The following NPTXR variants were observed in gnomAD, a reference collection of about 807,000 sequenced individuals.
NPTXR encodes the protein neuronal pentraxin receptor.
In NPTXR, 12 loss-of-function variants were observed where a neutral mutation model predicts 32.2. That is an observed-to-expected ratio of 0.37 (90% CI 0.24 to 0.60). The LOEUF (loss-of-function observed/expected upper bound fraction) is 0.60, where lower values mean the gene tolerates loss of function less well. Among genes scored for constraint, NPTXR ranks in the 20% least tolerant of loss-of-function variants. The pLI is 0.66. For synonymous variants in NPTXR, 323 were observed against 315.8 expected, an observed-to-expected ratio of 1.02 and a Z score of -0.24; for missense variants, 612 against 682.9, an observed-to-expected ratio of 0.90 and a Z score of 1.16.
rs2093134610 is a variant in NPTXR at position 38,843,376 on chromosome 22, G to A, written c.483C>T (p.Cys161=). The change falls in exon 1 of 5, where the codon TGC becomes TGT. Residue 161 remains cysteine (C), a synonymous_variant. Transcript: ENST00000333039. This position sits in a 1 kb window ranked among gnomAD's most constrained non-coding sequence, Gnocchi z 5.3. ...GGAGGCCGCGCGGCAGGCCGCTCTC[G>A]CAGCGGCCCAGCTTGCCGGTGAGCT... 7.1e-7 allele frequency: 1 copy of A among 1,407,246 alleles called. No individual in the cohort carries two copies. Among genetic ancestry groups the A allele is most frequent in the Non-Finnish European group, 9.2e-7 (1 of 1,089,256 alleles). The allele number at this position is 1,407,246 out of a possible 1,614,324, so 87.2% of individuals were successfully genotyped here. A position where few individuals can be genotyped will look rare whatever the true frequency, so the allele number is the denominator to read the frequency against.
intron 3 of NPTXR, among the ~76,000 whole-genome samples, chr22:38,823,598 C>T (rs1298202940): frequency 6.6e-6 from 1 of 152,244 alleles, no homozygotes; most frequent in Non-Finnish European, 1.5e-5. Context: ...GCACTCAGCA[C>T]ACAGCTAGGG....
rs11705123 is a variant in NPTXR, at chr22:38,820,352, G to A, written c.*2257C>T. 1,409 of 152,774 alleles carry A rather than the reference G, an allele frequency of 9.2e-3. 6 individuals carry two copies. Among genetic ancestry groups the A allele is most frequent in the Non-Finnish European group, 0.014 (965 of 68,082 alleles). 9.5% of individuals were successfully genotyped at this position (152,774 alleles called of 1,614,324 possible). On this transcript the variant is annotated 3_prime_UTR_variant, in exon 5 of 5. Coordinates refer to ENST00000333039, the MANE Select transcript of NPTXR (RefSeq NM_014293.4). ...GGCGCGGGAGGCAATGCAACTTGGA[G>A]TAGCTTCCATGGCACTGAGCCCCCC... is the stretch of plus-strand genomic sequence containing the variant.
intron 1 of NPTXR, among the ~76,000 whole-genome samples, chr22:38,841,020 G>T (rs73884565): frequency 0.076 from 11,634 of 152,212 alleles, 1,282 homozygotes; most frequent in African/African-American, 0.24. Flanking sequence ...AGCACCTTCA[G>T]TGTATCCTGG....
chr22:38,840,606 A>T (rs1037023941), intron 1 of NPTXR, among the ~76,000 whole-genome samples: 4 of 152,066 alleles, frequency 2.6e-5, no homozygotes, highest in Non-Finnish European at 1.5e-5. Context: ...ACCTGGTTCA[A>T]GCTGAAACAC....
chr22:38,829,336 A>G (rs5757301), intron 1 of NPTXR, among the ~76,000 whole-genome samples: 64,342 of 151,932 alleles, frequency 0.42, 14,063 homozygotes, highest in East Asian at 0.75. Context: ...TCCCCATGAC[A>G]TGCCTGTCTT....
At chr22:38,824,030 T>G (rs1481875537) in intron 3 of NPTXR, among the ~76,000 whole-genome samples, 1 of 151,850 alleles carries the variant, frequency 6.6e-6, no homozygotes, top group Non-Finnish European at 1.5e-5. Flanking sequence ...CAGGATAGAG[T>G]GCAGTGGTGT....
Position 38,822,795 on chromosome 22 carries a change from A to G in NPTXR, c.1317T>C (p.Phe439=). The G allele has an allele frequency of 6.2e-7, 1 of 1,614,146 alleles. No homozygotes were observed. Among genetic ancestry groups the G allele is most frequent in the Non-Finnish European group, 8.5e-7 (1 of 1,180,006 alleles). The change falls in exon 5 of 5, where the codon TTT becomes TTC. Residue 439 remains phenylalanine, a synonymous_variant. Coordinates refer to ENST00000333039, the MANE Select transcript of NPTXR (RefSeq NM_014293.4). ...GGTTAAACTGGGCAATGTCACCGACAAAGGCCTGGGTGGCATCAAACCGGC... is the reference window on the plus strand; with the variant it reads ...GGTTAAACTGGGCAATGTCACCGACGAAGGCCTGGGTGGCATCAAACCGGC...
At chr22:38,833,655 A>ATT (rs5845398) in intron 1 of NPTXR, among the ~76,000 whole-genome samples, 68 of 138,020 alleles carry the variant, frequency 4.9e-4, no homozygotes, top group Middle Eastern at 7.5e-3. Context: ...GTGACTAACA[A>ATT]TTTTTTTTTT....
chr22:38,822,347 A>G lies in NPTXR; in HGVS notation c.*262T>C. The G allele has an allele frequency of 1.9e-6, 1 of 516,646 alleles. No individual in the cohort carries two copies. Among genetic ancestry groups the G allele is most frequent in the South Asian group, 2.2e-5 (1 of 45,134 alleles). The allele number at this position is 516,646 out of a possible 1,614,324, so 32.0% of individuals were successfully genotyped here. A position where few individuals can be genotyped will look rare whatever the true frequency, so the allele number is the denominator to read the frequency against. ...GTTGATGGGCAGGGAGGGTGGGGTA[A>G]GAGACAACTCCAGTGCAGTGCCAGG... On this transcript the variant is annotated 3_prime_UTR_variant, in exon 5 of 5. Transcript: ENST00000333039.
At position 38,828,434 on chromosome 22, in the gene NPTXR, T is replaced by C. The variant is rs371797046; in HGVS notation, c.703A>G (p.Met235Val). Residue 235 changes from methionine to valine, a missense_variant, in exon 2 of 5, where the codon ATG (methionine) becomes GTG (valine). Physicochemically the swap from Met to Val is conservative, Grantham distance 21 (BLOSUM62 1). Transcript: ENST00000333039. ...AGCAGCTGCCCCTCCAGCTGGTCCATCTTGGAGTGTAGGCCGGTGGGCACA... is the reference window on the plus strand; with the variant it reads ...AGCAGCTGCCCCTCCAGCTGGTCCACCTTGGAGTGTAGGCCGGTGGGCACA... The C allele has an allele frequency of 3.7e-6, 6 of 1,612,398 alleles. No individual in the cohort carries two copies. The African/African-American group carries it at 6.7e-5, about 18-fold the overall frequency.
rs2093134440 is a variant in NPTXR at position 38,843,316 on chromosome 22, G to T, written c.543C>A (p.Asp181Glu). Reference sequence around the variant, plus strand: ...TGAGCGCAGGCGAGTCCCAGGGCCCGTCGGCCATGGTGTCGCGGCGGGGCC... The same window carrying T: ...TGAGCGCAGGCGAGTCCCAGGGCCCTTCGGCCATGGTGTCGCGGCGGGGCC... The change falls in exon 1 of 5, where the codon GAC becomes GAA. Residue 181 changes from aspartate to glutamate, a missense_variant. By Grantham distance (45) the Asp-to-Glu change is conservative. Transcript: ENST00000333039. This position sits in a 1 kb window ranked among gnomAD's most constrained non-coding sequence, Gnocchi z 5.3. 7.0e-7 allele frequency: 1 copy of T among 1,426,594 alleles called. No homozygotes were observed. The highest frequency in any genetic ancestry group is 9.1e-7 in the Non-Finnish European group (1 of 1,097,202). 88.4% of individuals were successfully genotyped at this position (1,426,594 alleles called of 1,614,324 possible). A position where few individuals can be genotyped will look rare whatever the true frequency, so the allele number is the denominator to read the frequency against.
chr22:38,834,382 T>G lies in NPTXR; in HGVS notation c.625-5870A>C, dbSNP rs887744392. On this transcript the variant is annotated intron_variant, in intron 1 of 4. Coordinates refer to ENST00000333039, the MANE Select transcript of NPTXR (RefSeq NM_014293.4). The surrounding 1 kb of genome is among the most constrained non-coding windows in gnomAD (Gnocchi z 4.4). ...CACTGAAAGTCCTCTGCTGCTCAAC[T>G]GCCCCAAACTCCTTCTCACCCTAAG... 6.6e-6 allele frequency among the ~76,000 whole-genome samples: 1 copy of G among 152,172 alleles called. No individual in the cohort carries two copies. Among genetic ancestry groups the G allele is most frequent in the African/African-American group, 2.4e-5 (1 of 41,436 alleles).
intron 1 of NPTXR, among the ~76,000 whole-genome samples, chr22:38,841,271 G>C (rs1480539488): frequency 6.6e-6 from 1 of 152,256 alleles, no homozygotes; most frequent in Admixed American, 6.5e-5. Flanking sequence ...GCCCTTCTCT[G>C]TCTGTGGCTG....
At chr22:38,840,388 A>G (rs2093130153) in intron 1 of NPTXR, among the ~76,000 whole-genome samples, 1 of 152,132 alleles carries the variant, frequency 6.6e-6, no homozygotes, top group Admixed American at 6.6e-5. Flanking sequence ...CCAAAGTGGT[A>G]GCCTAGGAGC....
At position 38,843,541 on chromosome 22, in the gene NPTXR, C is replaced by A. The variant is rs1338425250; in HGVS notation, c.318G>T (p.Gly106=). 8.0e-7 allele frequency: 1 copy of A among 1,248,252 alleles called. No individual in the cohort carries two copies. The highest frequency in any genetic ancestry group is 1.0e-6 in the Non-Finnish European group (1 of 997,718). The allele number at this position is 1,248,252 out of a possible 1,614,324, so 77.3% of individuals were successfully genotyped here. A position where few individuals can be genotyped will look rare whatever the true frequency, so the allele number is the denominator to read the frequency against. ...CGCCCGCCGCGTCCCCCTGCTGGGC[C>A]CCCGACGGGCAGGCAGCAGCCAGCG... is the stretch of plus-strand genomic sequence containing the variant. The change falls in exon 1 of 5, where the codon GGG becomes GGT. Residue 106 remains glycine (G), a synonymous_variant. Transcript: ENST00000333039. The surrounding 1 kb of genome is among the most constrained non-coding windows in gnomAD (Gnocchi z 5.3).
In NPTXR at chr22:38,822,596, A is replaced by G. The variant is rs372326693; in HGVS notation, c.*13T>C. 1.4e-4 allele frequency: 228 copies of G among 1,588,884 alleles called. No individual in the cohort carries two copies. Among genetic ancestry groups the G allele is most frequent in the Admixed American group, 5.4e-4 (30 of 56,064 alleles). ...GTGGCAGGCAAGGGAGGGGCCCTGG[A>G]TGAGGTGGCCCCTCATGCCTTGGCC... On this transcript the variant is annotated 3_prime_UTR_variant, in exon 5 of 5. Coordinates refer to ENST00000333039, the MANE Select transcript of NPTXR (RefSeq NM_014293.4).
chr22:38,823,352 T>C, intron 3 of NPTXR, 90 bp from the exon 4 acceptor site: 1 of 1,232,054 alleles, frequency 8.1e-7, no homozygotes, highest in South Asian at 1.3e-5. Flanking sequence ...GGGAGACCCA[T>C]GTCCATCCTT....
intron 1 of NPTXR, among the ~76,000 whole-genome samples, chr22:38,841,631 T>C (rs1324729063): frequency 1.3e-5 from 2 of 152,268 alleles, no homozygotes; most frequent in Admixed American, 1.3e-4. Context: ...TTTGGCTGTA[T>C]TTTAAAAATG....
At chr22:38,837,830 C>A (rs1448628253) in intron 1 of NPTXR, among the ~76,000 whole-genome samples, 1 of 90,262 alleles carries the variant, frequency 1.1e-5, no homozygotes, top group African/African-American at 3.9e-5. Flanking sequence ...ATTTCAGAGA[C>A]TTATTTATTT....
Sources: gnomAD v4.1 joint callset for allele counts (sites outside exome capture counted in the v4.1 genomes callset) on GRCh38, gnomAD v4.1.1 for gene constraint, Gnocchi (gnomAD v3.1) non-coding constraint, MANE v1.5 for transcripts, NCBI Gene and HGNC (gene_info 2026-07-23, HGNC 2026-07-21) for gene names.